The following NHS variants were observed in gnomAD, a reference collection of about 807,000 sequenced individuals.
The protein encoded by NHS is actin remodeling regulator NHS.
NHS carries 5 observed loss-of-function variants against 72.5 expected under a neutral mutation model. The observed-to-expected ratio is 0.07, with a 90% CI of 0.04 to 0.14. The LOEUF (loss-of-function observed/expected upper bound fraction) is 0.14, where lower values mean the gene tolerates loss of function less well. Among genes scored for constraint, NHS ranks in the 10% least tolerant of loss-of-function variants. NHS has a pLI of 1.00. For missense variants in NHS, 1,072 were observed against 1,355.7 expected, an observed-to-expected ratio of 0.79 and a Z score of 3.29; for synonymous variants, 464 against 547.7, an observed-to-expected ratio of 0.85 and a Z score of 2.13.
chrX:17,537,532 G>C (rs990724903), intron 1 of NHS, among the ~76,000 whole-genome samples: 1 of 112,502 alleles, frequency 8.9e-6, no homozygotes, highest in African/African-American at 3.2e-5. Flanking sequence ...AGACACTTTG[G>C]AGGTGAATTT....
At position 17,732,909 on chromosome X, in the gene NHS, A is replaced by G. The variant is rs2066498495; in HGVS notation, c.*445A>G. 1 of 159,422 alleles carries G rather than the reference A, an allele frequency of 6.3e-6. No homozygotes were observed. Among genetic ancestry groups the G allele is most frequent in the Non-Finnish European group, 1.2e-5 (1 of 82,962 alleles). 13.1% of individuals were successfully genotyped at this position (159,422 alleles called of 1,213,427 possible). A position where few individuals can be genotyped will look rare whatever the true frequency, so the allele number is the denominator to read the frequency against. ...CAAAATTTAGAAGAAAGAACTACAC[A>G]TATGTAAATACCATATTTTTGATAA... On this transcript the variant is annotated 3_prime_UTR_variant, in exon 9 of 9. Transcript: ENST00000676302.
At chrX:17,521,283 G>A (rs2065147210) in intron 1 of NHS, among the ~76,000 whole-genome samples, 1 of 111,179 alleles carries the variant, frequency 9.0e-6, no homozygotes, top group Non-Finnish European at 1.9e-5. Flanking sequence ...AGACCTTGCA[G>A]AATTAAGCTG....
chrX:17,563,577 G>A (rs2065426405), intron 1 of NHS, among the ~76,000 whole-genome samples: 1 of 112,433 alleles, frequency 8.9e-6, no homozygotes, highest in Non-Finnish European at 1.9e-5. Flanking sequence ...GAAAGGTATT[G>A]AAGAGGAAAA....
chrX:17,529,953 C>T (rs368614976), intron 1 of NHS, among the ~76,000 whole-genome samples: 206 of 111,031 alleles, frequency 1.9e-3, no homozygotes, highest in African/African-American at 6.7e-3. Flanking sequence ...CCTTTCACTT[C>T]GCTTGGAGAC....
intron 1 of NHS, among the ~76,000 whole-genome samples, chrX:17,663,253 C>T (rs965973296): frequency 8.9e-6 from 1 of 111,741 alleles, no homozygotes; most frequent in Non-Finnish European, 1.9e-5. Context: ...ATGTAATTTA[C>T]ATACAGTTGA....
chrX:17,546,124 A>G (rs1265181753), intron 1 of NHS, among the ~76,000 whole-genome samples: 1 of 111,873 alleles, frequency 8.9e-6, no homozygotes, highest in Non-Finnish European at 1.9e-5. Flanking sequence ...GGTGTCTCAG[A>G]GGGGGTACAG....
intron 1 of NHS, among the ~76,000 whole-genome samples, chrX:17,675,785 T>G (rs2066076068): frequency 8.9e-6 from 1 of 112,244 alleles, no homozygotes; most frequent in Non-Finnish European, 1.9e-5. Flanking sequence ...CCTAGGCTTT[T>G]GGGATGGAAA....
chrX:17,685,714 T>G (rs2066158529), intron 1 of NHS, among the ~76,000 whole-genome samples: 1 of 112,213 alleles, frequency 8.9e-6, no homozygotes, highest in Non-Finnish European at 1.9e-5. Flanking sequence ...TGGGATCACC[T>G]GCTGCAGAAA....
chrX:17,409,128 C>T (rs2146857558), intron 1 of NHS, among the ~76,000 whole-genome samples: 1 of 112,500 alleles, frequency 8.9e-6, no homozygotes, highest in African/African-American at 3.2e-5. Context: ...GTTAGGGCTT[C>T]AGCATATGAA....
chrX:17,582,789 TTAAAA>T (rs1181998291), intron 1 of NHS, among the ~76,000 whole-genome samples: 1 of 112,625 alleles, frequency 8.9e-6, no homozygotes, highest in Non-Finnish European at 1.9e-5. Flanking sequence ...TTCCTGTTCT[TTAAAA>T]TAAAGATAAT....
At chrX:17,519,122 C>G (rs1027134964) in intron 1 of NHS, among the ~76,000 whole-genome samples, 4 of 111,919 alleles carry the variant, frequency 3.6e-5, no homozygotes, top group Non-Finnish European at 5.6e-5. Context: ...GCTTCCTGTG[C>G]TGCACGAATG....
chrX:17,590,451 T>C (rs755263245), intron 1 of NHS, among the ~76,000 whole-genome samples: 2 of 111,851 alleles, frequency 1.8e-5, no homozygotes, highest in Non-Finnish European at 3.8e-5. Context: ...TTAAAAATCA[T>C]GTTTTGGGAA....
intron 1 of NHS, among the ~76,000 whole-genome samples, chrX:17,564,973 TTTTTTATTTA>T (rs1049789537): frequency 3.9e-5 from 4 of 103,442 alleles, no homozygotes; most frequent in African/African-American, 1.7e-4. Context: ...AGCCACATTT[TTTTTTATTTA>T]TTTTTTTTTT....
chrX:17,728,156 T>A lies in NHS; in HGVS notation c.4050T>A (p.His1350Gln), dbSNP rs1178640734. The A allele has an allele frequency of 1.7e-6, 2 of 1,209,959 alleles. No homozygotes were observed. Among genetic ancestry groups the A allele is most frequent in the African/African-American group, 3.5e-5 (2 of 57,135 alleles). Reference protein sequence around the residue: ...FKHQFVMSRHHDKVPGTISYE... With the variant: ...FKHQFVMSRHQDKVPGTISYE... Reference sequence around the variant, plus strand: ...ATCAATTTGTTATGAGCCGCCACCATGACAAAGTGCCTGGTACTATCAGCT... The same window carrying A: ...ATCAATTTGTTATGAGCCGCCACCAAGACAAAGTGCCTGGTACTATCAGCT... Residue 1350 changes from histidine (H) to glutamine (Q), a missense_variant, in exon 7 of 9, where the codon CAT (histidine) becomes CAA (glutamine). Transcript: ENST00000676302.
At chrX:17,683,596 CTT>C (rs2066141868) in intron 1 of NHS, among the ~76,000 whole-genome samples, 1 of 111,547 alleles carries the variant, frequency 9.0e-6, no homozygotes. Context: ...ATATTTTCCT[CTT>C]TGAGTTGTGT....
intron 1 of NHS, among the ~76,000 whole-genome samples, chrX:17,553,577 C>T (rs1308988110): frequency 1.8e-5 from 2 of 111,840 alleles, no homozygotes; most frequent in African/African-American, 6.5e-5. Flanking sequence ...ATTTTTTAGC[C>T]CTGCCAGCCA....
At chrX:17,616,650 A>G (rs1262641455) in intron 1 of NHS, among the ~76,000 whole-genome samples, 3 of 112,456 alleles carry the variant, frequency 2.7e-5, no homozygotes, top group African/African-American at 9.7e-5. Flanking sequence ...CTTAATTCAA[A>G]TGCTTAATTT....
At chrX:17,639,987 G>A (rs2065872954) in intron 1 of NHS, among the ~76,000 whole-genome samples, 1 of 112,070 alleles carries the variant, frequency 8.9e-6, no homozygotes, top group African/African-American at 3.2e-5. Flanking sequence ...TTTTCGGTAA[G>A]TTTTTAAAAA....
At chrX:17,419,017 A>G (rs1456104756) in intron 1 of NHS, among the ~76,000 whole-genome samples, 3 of 112,606 alleles carry the variant, frequency 2.7e-5, no homozygotes, top group Non-Finnish European at 5.6e-5. Flanking sequence ...ACCAAAAAGG[A>G]ATGGGATTAT....
Sources: allele counts gnomAD v4.1 joint callset (sites outside exome capture counted in the v4.1 genomes callset), GRCh38; gene constraint gnomAD v4.1.1; transcripts MANE v1.5; gene names NCBI Gene and HGNC (gene_info 2026-07-23, HGNC 2026-07-21).